The following DOK6 variants were observed in gnomAD, a reference collection of about 807,000 sequenced individuals.
DOK6 encodes the protein downstream of tyrosine kinase 6.
A neutral mutation model predicts 44.0 loss-of-function variants in DOK6; 22 were observed. That is an observed-to-expected ratio of 0.50 (90% confidence interval 0.36 to 0.71). DOK6 has a LOEUF of 0.71. DOK6 is among the 30% of genes least tolerant of loss of function. The pLI is 0.00. For missense variants in DOK6, 340 were observed against 416.4 expected (o/e 0.82, Z 1.60); for synonymous variants, 166 against 145.5 (o/e 1.14, Z -1.01).
intron 3 of DOK6, among the ~76,000 whole-genome samples, chr18:69,620,195 A>AGT: frequency 6.6e-6 from 1 of 152,202 alleles, no homozygotes; most frequent in South Asian, 2.1e-4. Context: ...ATACTCACAT[A>AGT]GTAATATGTA....
At chr18:69,711,893 G>A (rs986666675) in intron 5 of DOK6, among the ~76,000 whole-genome samples, 1 of 152,112 alleles carries the variant, frequency 6.6e-6, no homozygotes, top group African/African-American at 2.4e-5. Context: ...TTTTCTGTTA[G>A]TTTTAGGTAC....
At chr18:69,612,460 T>TGTGCGAGGGC (rs1568311320) in intron 3 of DOK6, among the ~76,000 whole-genome samples, 2 of 77,628 alleles carry the variant, frequency 2.6e-5, no homozygotes, top group Non-Finnish European at 2.7e-5. Context: ...TGTGCGAGCG[T>TGTGCGAGGGC]GCATATGTAT....
intron 7 of DOK6, among the ~76,000 whole-genome samples, chr18:69,836,197 T>C (rs1360339367): frequency 6.6e-6 from 1 of 152,214 alleles, no homozygotes; most frequent in African/African-American, 2.4e-5. Context: ...TTCTAGTTCA[T>C]TACTGGTTTG....
intron 5 of DOK6, among the ~76,000 whole-genome samples, chr18:69,715,016 A>G (rs933971688): frequency 6.6e-6 from 1 of 152,192 alleles, no homozygotes; most frequent in African/African-American, 2.4e-5. Context: ...TACCTAGGGA[A>G]AAGCTCTAGA....
intron 1 of DOK6, among the ~76,000 whole-genome samples, chr18:69,539,061 TATA>T (rs1324011257): frequency 6.6e-6 from 1 of 152,206 alleles, no homozygotes. Flanking sequence ...CAGCTGTTAT[TATA>T]ATAGAAGCAA....
At chr18:69,433,481 G>T (rs1292612240) in intron 1 of DOK6, among the ~76,000 whole-genome samples, 1 of 152,038 alleles carries the variant, frequency 6.6e-6, no homozygotes, top group African/African-American at 2.4e-5. Flanking sequence ...TAATAAAAAT[G>T]CATTTAACCA....
intron 1 of DOK6, among the ~76,000 whole-genome samples, chr18:69,404,463 A>C (rs1916160816): frequency 6.6e-6 from 1 of 152,124 alleles, no homozygotes; most frequent in South Asian, 2.1e-4. Context: ...ATAATCTAAC[A>C]CTTTGTGTAT....
chr18:69,405,211 C>G (rs1916179768), intron 1 of DOK6, among the ~76,000 whole-genome samples: 1 of 152,210 alleles, frequency 6.6e-6, no homozygotes, highest in Admixed American at 6.5e-5. Context: ...TAATTGATCT[C>G]CTTTCTGTAA....
At chr18:69,664,994 T>C (rs1985619767) in intron 3 of DOK6, among the ~76,000 whole-genome samples, 1 of 152,016 alleles carries the variant, frequency 6.6e-6, no homozygotes, top group Admixed American at 6.5e-5. Flanking sequence ...CTGGTCAATA[T>C]GGTGAAACCT....
intron 1 of DOK6, among the ~76,000 whole-genome samples, chr18:69,454,827 C>A (rs1979576210): frequency 6.9e-6 from 1 of 145,194 alleles, no homozygotes; most frequent in Admixed American, 7.1e-5. Flanking sequence ...CCAAACACCG[C>A]ATATTCTCAC....
intron 2 of DOK6, among the ~76,000 whole-genome samples, chr18:69,576,118 G>C (rs948654729): frequency 1.3e-5 from 2 of 152,082 alleles, no homozygotes; most frequent in East Asian, 3.8e-4. Context: ...TTGCCTCTGA[G>C]GTGCAGGTAA....
At chr18:69,412,129 T>C (rs780401158) in intron 1 of DOK6, among the ~76,000 whole-genome samples, 2 of 152,154 alleles carry the variant, frequency 1.3e-5, no homozygotes, top group Non-Finnish European at 2.9e-5. Context: ...GTGTGCAGCA[T>C]TTGTGATCAT....
intron 1 of DOK6, among the ~76,000 whole-genome samples, chr18:69,496,102 C>G (rs1008221334): frequency 1.3e-5 from 2 of 152,142 alleles, no homozygotes; most frequent in Admixed American, 1.3e-4. Context: ...GCTAGGAGGC[C>G]CAGATCTACC....
intron 3 of DOK6, among the ~76,000 whole-genome samples, chr18:69,648,290 A>G (rs1226007671): frequency 6.6e-6 from 1 of 152,226 alleles, no homozygotes; most frequent in Non-Finnish European, 1.5e-5. Flanking sequence ...TAAGTTGGGT[A>G]CAAACCAAGG....
intron 2 of DOK6, 91 bp from the exon 3 acceptor site, chr18:69,599,293 G>A: frequency 3.3e-6 from 3 of 912,486 alleles, no homozygotes; most frequent in Non-Finnish European, 4.9e-6. Flanking sequence ...GGAAATTCAT[G>A]TAAGACTGTG....
intron 1 of DOK6, among the ~76,000 whole-genome samples, chr18:69,530,986 T>C (rs1391322388): frequency 6.6e-6 from 1 of 152,078 alleles, no homozygotes; most frequent in African/African-American, 2.4e-5. Flanking sequence ...AGTTAGCTCT[T>C]CTTGTGGAAT....
At chr18:69,719,065 C>G (rs1986946832) in intron 5 of DOK6, among the ~76,000 whole-genome samples, 1 of 152,184 alleles carries the variant, frequency 6.6e-6, no homozygotes, top group Non-Finnish European at 1.5e-5. Flanking sequence ...GGTTCTTGCT[C>G]TTGGCACAGA....
chr18:69,768,982 T>TGTGTGTGTGTGTGTGTGTGG (rs1555669805), intron 7 of DOK6, among the ~76,000 whole-genome samples: 2 of 150,940 alleles, frequency 1.3e-5, no homozygotes, highest in African/African-American at 2.4e-5. Flanking sequence ...TGTGTGTGTG[T>TGTGTGTGTGTGTGTGTGTGG]TGAATGCCTG....
At chr18:69,455,488 A>G (rs1656063111) in intron 1 of DOK6, among the ~76,000 whole-genome samples, 2 of 152,232 alleles carry the variant, frequency 1.3e-5, no homozygotes, top group African/African-American at 4.8e-5. Context: ...TAACAGAAAT[A>G]TATGTGAATA....
Sources: allele counts gnomAD v4.1 joint callset (sites outside exome capture counted in the v4.1 genomes callset), GRCh38; gene constraint gnomAD v4.1.1; transcripts MANE v1.5; gene names NCBI Gene and HGNC (gene_info 2026-07-23, HGNC 2026-07-21).